BST1: variants seen among roughly 807,000 people sequenced by gnomAD.
The protein encoded by BST1 is bone marrow stromal cell antigen 1.
Under a neutral mutation model 40.6 loss-of-function variants are expected in BST1, and 49 were observed. The observed-to-expected ratio is 1.21, with a 90% CI of 0.96 to 1.53. The LOEUF is 1.53. Among genes scored for constraint, BST1 ranks in the 40% most tolerant of loss-of-function variants. BST1 has a pLI of 0.00. For synonymous variants in BST1, 157 were observed against 159.3 expected (o/e 0.99, Z 0.11); for missense variants, 423 against 395.9 (o/e 1.07, Z -0.58).
chr4:15,757,109 C>T, the BST1 span, among the ~76,000 whole-genome samples: 2 of 152,078 alleles, frequency 1.3e-5, no homozygotes, highest in South Asian at 4.1e-4. Flanking sequence ...AACTTTTATT[C>T]ACCTTATATT....
intron 4 of BST1, 25 bp from the exon 5 acceptor site, chr4:15,715,260 T>G (rs1444154112): frequency 1.2e-6 from 2 of 1,607,720 alleles, no homozygotes; most frequent in African/African-American, 2.7e-5. Context: ...CTTTATTTGC[T>G]AAAAATACTT....
At chr4:15,703,462 T>C in intron 1 of BST1, 130 bp downstream of exon 1, 3 of 1,150,952 alleles carry the variant, frequency 2.6e-6, no homozygotes, top group Non-Finnish European at 2.3e-6. Flanking sequence ...GAGAGGTGAG[T>C]GTGGAGACAG....
intron 6 of BST1, among the ~76,000 whole-genome samples, chr4:15,717,400 A>G (rs1036016544): frequency 6.6e-6 from 1 of 152,136 alleles, no homozygotes; most frequent in Non-Finnish European, 1.5e-5. Context: ...CCTGTAATAT[A>G]CCGTGCCTAA....
At chr4:15,768,419 T>C in the BST1 span, among the ~76,000 whole-genome samples, 1 of 152,044 alleles carries the variant, frequency 6.6e-6, no homozygotes, top group East Asian at 1.9e-4. Flanking sequence ...AGTTGTTGTA[T>C]ACTGTTAATG....
intron 1 of BST1, 132 bp downstream of exon 1, chr4:15,703,464 T>G: frequency 6.9e-6 from 9 of 1,297,038 alleles, no homozygotes; most frequent in East Asian, 3.2e-5. Flanking sequence ...GAGGTGAGTG[T>G]GGAGACAGCG....
intron 3 of BST1, among the ~76,000 whole-genome samples, chr4:15,709,864 A>T (rs964329443): frequency 1.3e-5 from 2 of 152,254 alleles, no homozygotes; most frequent in East Asian, 3.8e-4. Context: ...AAACACATAT[A>T]CACAATACAT....
chr4:15,714,941 G>A (rs1720426138), intron 4 of BST1, among the ~76,000 whole-genome samples: 1 of 152,206 alleles, frequency 6.6e-6, no homozygotes, highest in Admixed American at 6.5e-5. Context: ...CATGTAGTGT[G>A]AGCATGATAT....
At chr4:15,721,779 C>T (rs1175578013) in intron 7 of BST1, among the ~76,000 whole-genome samples, 1 of 152,146 alleles carries the variant, frequency 6.6e-6, no homozygotes, top group Non-Finnish European at 1.5e-5. Flanking sequence ...ACGTTGTGCA[C>T]ATGTACCCTA....
chr4:15,760,671 A>G, the BST1 span, among the ~76,000 whole-genome samples: 4 of 150,852 alleles, frequency 2.7e-5, no homozygotes, highest in Non-Finnish European at 4.4e-5. Flanking sequence ...GCATAAATAA[A>G]TATATACTAT....
chr4:15,737,758 G>A (rs1721622590), downstream of BST1: 7 of 1,282,168 alleles, frequency 5.5e-6, no homozygotes, highest in Non-Finnish European at 7.1e-6. Flanking sequence ...GATAGACTTG[G>A]TAACAAGGTA....
At chr4:15,760,682 ATATTTATT>A in the BST1 span, among the ~76,000 whole-genome samples, 21 of 150,602 alleles carry the variant, frequency 1.4e-4, 1 homozygote, top group South Asian at 4.2e-4. Flanking sequence ...TATATACTAT[ATATTTATT>A]TATTTATTTA....
At chr4:15,744,219 T>G in the BST1 span, among the ~76,000 whole-genome samples, 6 of 152,200 alleles carry the variant, frequency 3.9e-5, no homozygotes, top group African/African-American at 1.2e-4. Context: ...ATACCTTCTG[T>G]ATTAGTCCAT....
chr4:15,733,072 G>A (rs536320174), downstream of BST1, among the ~76,000 whole-genome samples: 105 of 152,238 alleles, frequency 6.9e-4, 1 homozygote, highest in African/African-American at 2.4e-3. Flanking sequence ...TGTGAAGAGC[G>A]AAAAAACAAA....
At chr4:15,713,824 C>T (rs1211021882) in intron 4 of BST1, among the ~76,000 whole-genome samples, 1 of 152,100 alleles carries the variant, frequency 6.6e-6, no homozygotes, top group African/African-American at 2.4e-5. Flanking sequence ...ACACCTCAGC[C>T]TCCCGAGTAG....
At chr4:15,724,051 C>T (rs1027176357) in intron 8 of BST1, among the ~76,000 whole-genome samples, 1 of 152,194 alleles carries the variant, frequency 6.6e-6, no homozygotes, top group Non-Finnish European at 1.5e-5. Flanking sequence ...CTCAAGTGTT[C>T]TTTGCTCTGT....
downstream of BST1, among the ~76,000 whole-genome samples, chr4:15,742,592 A>G (rs1721772289): frequency 1.3e-5 from 2 of 152,250 alleles, no homozygotes; most frequent in Admixed American, 1.3e-4. Flanking sequence ...AGACAAAGAC[A>G]AAGTTGTTGA....
At chr4:15,757,646 A>G in the BST1 span, among the ~76,000 whole-genome samples, 2 of 151,928 alleles carry the variant, frequency 1.3e-5, no homozygotes, top group Non-Finnish European at 2.9e-5. Flanking sequence ...TTATTTATTT[A>G]TTTATTTATT....
At chr4:15,713,165 A>G (rs1720310005) in intron 4 of BST1, among the ~76,000 whole-genome samples, 1 of 149,952 alleles carries the variant, frequency 6.7e-6, no homozygotes, top group Admixed American at 6.6e-5. Flanking sequence ...GCAGACAAGT[A>G]TTCAATAAAT....
At chr4:15,748,679 C>A in the BST1 span, among the ~76,000 whole-genome samples, 2 of 152,170 alleles carry the variant, frequency 1.3e-5, no homozygotes, top group Admixed American at 6.5e-5. Flanking sequence ...GGGTGAGGGG[C>A]TCCTTCAATG....
Sources: gnomAD v4.1 joint callset for allele counts (sites outside exome capture counted in the v4.1 genomes callset) on GRCh38, gnomAD v4.1.1 for gene constraint, MANE v1.5 for transcripts, NCBI Gene and HGNC (gene_info 2026-07-23, HGNC 2026-07-21) for gene names.